SLC25A51: variants seen among roughly 807,000 people sequenced by gnomAD.
The protein encoded by SLC25A51 is solute carrier family 25 member 51.
Under a neutral mutation model 19.1 loss-of-function variants are expected in SLC25A51, and 11 were observed. That is an observed-to-expected ratio of 0.58 (90% CI 0.36 to 0.96). The LOEUF (loss-of-function observed/expected upper bound fraction) is 0.96, where lower values mean the gene tolerates loss of function less well. Ranked by LOEUF, SLC25A51 falls within the 40% of genes least tolerant of loss-of-function variation. SLC25A51 has a pLI of 0.01. For missense variants in SLC25A51, 201 were observed against 365.4 expected (o/e 0.55, Z 3.67); for synonymous variants, 105 against 133.6 (o/e 0.79, Z 1.47).
At chr9:37,879,833 G>A (rs1037207113) in exon 4 of SLC25A51, 1 of 152,562 alleles carries the variant, frequency 6.6e-6, no homozygotes, top group Non-Finnish European at 1.5e-5. Flanking sequence ...GCAGAGGCTG[G>A]GAGCAAGATG....
At chr9:37,903,470 A>C (rs1831899585) in intron 1 of SLC25A51, 1 of 152,270 alleles carries the variant, frequency 6.6e-6, no homozygotes, top group African/African-American at 2.4e-5. Flanking sequence ...TGAGCTTCCT[A>C]CAACGCGATG....
At chr9:37,890,988 C>T (rs950274548) in intron 2 of SLC25A51, among the ~76,000 whole-genome samples, 2 of 152,038 alleles carry the variant, frequency 1.3e-5, no homozygotes, top group African/African-American at 4.8e-5. Flanking sequence ...ACACTCAGGA[C>T]AAAAGATGTT....
chr9:37,889,357 G>C (rs908289174), intron 2 of SLC25A51, among the ~76,000 whole-genome samples: 1 of 152,086 alleles, frequency 6.6e-6, no homozygotes, highest in Non-Finnish European at 1.5e-5. Flanking sequence ...CAAACTAATA[G>C]AATGTGCCAA....
At chr9:37,902,668 CA>C (rs1831872591) in intron 1 of SLC25A51, among the ~76,000 whole-genome samples, 1 of 152,150 alleles carries the variant, frequency 6.6e-6, no homozygotes, top group Admixed American at 6.5e-5. Context: ...CAATTTATTG[CA>C]AAATTTATTT....
intron 2 of SLC25A51, among the ~76,000 whole-genome samples, chr9:37,892,369 T>C (rs1189997393): frequency 6.6e-6 from 1 of 152,078 alleles, no homozygotes; most frequent in African/African-American, 2.4e-5. Flanking sequence ...AAGGCACAGG[T>C]GTTGGGCTAA....
At chr9:37,889,987 G>A (rs1016364459) in intron 2 of SLC25A51, among the ~76,000 whole-genome samples, 1 of 151,622 alleles carries the variant, frequency 6.6e-6, no homozygotes, top group Non-Finnish European at 1.5e-5. Flanking sequence ...GAAATATATA[G>A]AAACTTCTAT....
downstream of SLC25A51, among the ~76,000 whole-genome samples, chr9:37,882,850 A>AT (rs796401584): frequency 6.1e-3 from 901 of 148,842 alleles, 8 homozygotes; most frequent in African/African-American, 0.02. Context: ...TGCCTTTTCA[A>AT]TTTTTTTTTT....
At chr9:37,902,369 C>T (rs1302506939) in intron 1 of SLC25A51, among the ~76,000 whole-genome samples, 1 of 152,182 alleles carries the variant, frequency 6.6e-6, no homozygotes, top group East Asian at 1.9e-4. Flanking sequence ...ATTTTAAGAA[C>T]ATTACTGTAC....
chr9:37,893,513 C>T (rs117290860), intron 2 of SLC25A51, among the ~76,000 whole-genome samples: 2 of 152,328 alleles, frequency 1.3e-5, no homozygotes, highest in East Asian at 3.9e-4. Flanking sequence ...TGGGCAGTGT[C>T]AGAGCTCAAA....
chr9:37,879,148 A>G, downstream of SLC25A51: 1 of 338,524 alleles, frequency 3.0e-6, no homozygotes, highest in South Asian at 2.8e-5. Flanking sequence ...ATAAAGGACC[A>G]GAAGAAATGC....
intron 2 of SLC25A51, among the ~76,000 whole-genome samples, chr9:37,892,802 C>T (rs142238762): frequency 0.015 from 2,234 of 151,500 alleles, 25 homozygotes; most frequent in Middle Eastern, 0.038. Context: ...TGTAGTAGCA[C>T]GATCTCAGCT....
downstream of SLC25A51, among the ~76,000 whole-genome samples, chr9:37,882,697 A>G (rs929448586): frequency 6.6e-6 from 1 of 152,214 alleles, no homozygotes; most frequent in Non-Finnish European, 1.5e-5. Context: ...AGTGTGTTCA[A>G]TACGGAATCC....
exon 4 of SLC25A51, chr9:37,879,860 A>T (rs1177885100): frequency 6.6e-6 from 1 of 152,600 alleles, no homozygotes; most frequent in African/African-American, 2.4e-5. Context: ...GCGTGCCCCA[A>T]GTAATCAGGA....
intron 2 of SLC25A51, among the ~76,000 whole-genome samples, chr9:37,896,899 T>G (rs923992769): frequency 2.0e-5 from 3 of 152,162 alleles, no homozygotes; most frequent in Admixed American, 1.3e-4. Flanking sequence ...GTCCGGTACC[T>G]ATGTCAGGGG....
At chr9:37,894,376 G>A (rs1831665364) in intron 2 of SLC25A51, among the ~76,000 whole-genome samples, 1 of 151,090 alleles carries the variant, frequency 6.6e-6, no homozygotes, top group South Asian at 2.1e-4. Context: ...GCCCAGGCTG[G>A]AATGCAGTGG....
intron 2 of SLC25A51, among the ~76,000 whole-genome samples, chr9:37,889,791 C>A (rs1402840991): frequency 3.3e-5 from 5 of 149,790 alleles, no homozygotes; most frequent in Admixed American, 2.0e-4. Flanking sequence ...CTATAATACA[C>A]CTCCTTCTGT....
chr9:37,898,268 G>A (rs1238686396), intron 2 of SLC25A51, among the ~76,000 whole-genome samples: 1 of 152,032 alleles, frequency 6.6e-6, no homozygotes, highest in Non-Finnish European at 1.5e-5. Context: ...AAAATTAGCC[G>A]GGGGTGGCCG....
At chr9:37,898,008 A>C (rs1193761393) in intron 2 of SLC25A51, among the ~76,000 whole-genome samples, 1 of 152,184 alleles carries the variant, frequency 6.6e-6, no homozygotes, top group Non-Finnish European at 1.5e-5. Context: ...AAATCATGCC[A>C]AAAACCCCAA....
chr9:37,893,448 G>A (rs904571275), intron 2 of SLC25A51, among the ~76,000 whole-genome samples: 13 of 152,174 alleles, frequency 8.5e-5, no homozygotes, highest in African/African-American at 2.9e-4. Flanking sequence ...GTAATACAAG[G>A]AGTCAGGAAA....
Sources: allele counts gnomAD v4.1 joint callset (sites outside exome capture counted in the v4.1 genomes callset), GRCh38; gene constraint gnomAD v4.1.1; transcripts MANE v1.5; gene names NCBI Gene and HGNC (gene_info 2026-07-23, HGNC 2026-07-21).